The following PDS5A variants were observed in gnomAD, a reference collection of about 807,000 sequenced individuals.
PDS5A encodes the protein PDS5 cohesin associated factor A.
PDS5A carries 42 observed loss-of-function variants against 167.1 expected under a neutral mutation model. The ratio of observed to expected loss-of-function variants is 0.25; its 90% CI spans 0.20 to 0.33. PDS5A has a LOEUF of 0.33. PDS5A is among the 10% of genes least tolerant of loss of function. The probability of loss-of-function intolerance (pLI) is 1.00; values close to 1 mark genes in which losing one functional copy is unlikely to be tolerated. For missense variants in PDS5A, 1,033 were observed against 1,605.9 expected, an observed-to-expected ratio of 0.64 and a Z score of 6.10; for synonymous variants, 553 against 554.6, an observed-to-expected ratio of 1.00 and a Z score of 0.04.
intron 7 of PDS5A, among the ~76,000 whole-genome samples, chr4:39,919,743 C>CTT (rs1560483868): frequency 6.6e-6 from 1 of 151,834 alleles, no homozygotes; most frequent in East Asian, 1.9e-4. Flanking sequence ...AGATTGCAAA[C>CTT]TTTTTTTTCC....
At chr4:39,909,788 C>G (rs765174746) in intron 10 of PDS5A, among the ~76,000 whole-genome samples, 1 of 152,146 alleles carries the variant, frequency 6.6e-6, no homozygotes, top group Non-Finnish European at 1.5e-5. Context: ...ATGAAAAATT[C>G]TAGTCTAGTG....
rs556520088 is a variant in PDS5A at position 39,964,937 on chromosome 4, T to C, written c.138+11503A>G. On this transcript the variant is annotated intron_variant, in intron 2 of 32. Coordinates refer to ENST00000303538, the MANE Select transcript of PDS5A (RefSeq NM_001100399.2). ...CAGCCTGGGTGACAGAAAGACTCTG[T>C]CTCAAAAAATAATAATAATAATAAT... 5.3e-5 allele frequency among the ~76,000 whole-genome samples: 8 copies of C among 151,848 alleles called. No individual in the cohort carries two copies. The East Asian group carries it at 1.5e-3, about 29-fold the overall frequency.
Position 39,838,027 on chromosome 4 carries a change from C to A in PDS5A, c.3839G>T (p.Gly1280Val). The A allele has an allele frequency of 6.2e-7, 1 of 1,613,958 alleles. No individual in the cohort carries two copies. Among genetic ancestry groups the A allele is most frequent in the East Asian group, 2.2e-5 (1 of 44,884 alleles). The change falls in exon 32 of 33, where the codon GGC (glycine) becomes GTC (valine). Residue 1280 changes from glycine to valine, a missense_variant. Gly to Val is a moderately radical substitution (Grantham distance 109). Around this residue, in one of 4 missense-constraint regions of PDS5A, gnomAD observed 233 missense variants for 264.0 expected, o/e 0.88. Transcript: ENST00000303538. Reference protein sequence around the residue: ...RGRRPKSESQGNATKNDDLNK... With the variant: ...RGRRPKSESQVNATKNDDLNK... ...TAGATCATCATTTTTGGTAGCATTG[C>A]CCTGAGATTCAGACTTGGGTCGACG...
intron 30 of PDS5A, among the ~76,000 whole-genome samples, chr4:39,844,305 T>C (rs1578590982): frequency 6.6e-6 from 1 of 151,768 alleles, no homozygotes; most frequent in East Asian, 1.9e-4. Context: ...TGAAACACCG[T>C]CTCTACTAAA....
At chr4:39,863,285 T>C (rs1351587232) in intron 24 of PDS5A, 51 bp downstream of exon 24, 9 of 1,358,274 alleles carry the variant, frequency 6.6e-6, no homozygotes, top group Admixed American at 2.3e-5. Flanking sequence ...AGAAAAGTAA[T>C]GTATTCAACT....
At chr4:39,885,246 TAAAAAAAAA>T (rs34192127) in intron 17 of PDS5A, among the ~76,000 whole-genome samples, 1 of 110,342 alleles carries the variant, frequency 9.1e-6, no homozygotes, top group Non-Finnish European at 1.8e-5. Context: ...GATTCCTTCT[TAAAAAAAAA>T]AAAAAAAAAA....
intron 32 of PDS5A, among the ~76,000 whole-genome samples, chr4:39,829,674 A>G (rs1479439986): frequency 1.7e-4 from 24 of 144,130 alleles, no homozygotes; most frequent in Non-Finnish European, 2.6e-4. Flanking sequence ...ATTTCCGGCC[A>G]GGCGCGGTGG....
intron 32 of PDS5A, among the ~76,000 whole-genome samples, chr4:39,831,273 G>A (rs1297840160): frequency 6.6e-6 from 1 of 152,072 alleles, no homozygotes; most frequent in African/African-American, 2.4e-5. Context: ...GCTAAATTTT[G>A]TATTTTTATT....
intron 3 of PDS5A, among the ~76,000 whole-genome samples, chr4:39,927,675 C>T (rs559883378): frequency 6.6e-6 from 1 of 152,290 alleles, no homozygotes; most frequent in South Asian, 2.1e-4. Flanking sequence ...ATCCCTGGAA[C>T]ATAGCTATCT....
chr4:39,860,152 T>C (rs1214434897), intron 26 of PDS5A, among the ~76,000 whole-genome samples: 2 of 152,134 alleles, frequency 1.3e-5, no homozygotes, highest in African/African-American at 4.8e-5. Flanking sequence ...GCTGGATATA[T>C]ATCCAAAATA....
rs763097458 is a variant in PDS5A at position 39,842,020 on chromosome 4, A to G, written c.3585T>C (p.Ser1195=). ...QSSEAAETGV[S]ENEENPVRII... ...TCCTCACAGGGTTCTCTTCATTTTC[A>G]CTAACTCCAGTTTCTGCTGCCTCTG... is the stretch of plus-strand genomic sequence containing the variant. The change falls in exon 31 of 33, where the codon AGT becomes AGC. Residue 1195 remains serine, a synonymous_variant. Coordinates refer to ENST00000303538, the MANE Select transcript of PDS5A (RefSeq NM_001100399.2). 6.2e-7 allele frequency: 1 copy of G among 1,609,482 alleles called. No homozygotes were observed. Among genetic ancestry groups the G allele is most frequent in the Non-Finnish European group, 8.5e-7 (1 of 1,175,848 alleles).
chr4:39,930,246 A>AAAAAAAAAAAAAAAAATTTTTTTTT, intron 2 of PDS5A, among the ~76,000 whole-genome samples: 3 of 93,090 alleles, frequency 3.2e-5, no homozygotes, highest in Non-Finnish European at 4.5e-5. Context: ...AAAAAAAAAA[A>AAAAAAAAAAAAAAAAATTTTTTTTT]GTTTTTTTGT....
At chr4:39,840,584 C>T (rs577175860) in intron 31 of PDS5A, among the ~76,000 whole-genome samples, 25 of 152,168 alleles carry the variant, frequency 1.6e-4, no homozygotes, top group South Asian at 8.3e-4. Flanking sequence ...TTAGTAGAGA[C>T]GAGTTTTCAC....
intron 26 of PDS5A, among the ~76,000 whole-genome samples, chr4:39,859,829 G>C (rs1218348832): frequency 2.0e-5 from 3 of 152,216 alleles, no homozygotes; most frequent in African/African-American, 7.2e-5. Context: ...AGAACCACCT[G>C]GGATGAACTG....
At chr4:39,890,861 C>G (rs184436907) in intron 16 of PDS5A, among the ~76,000 whole-genome samples, 49 of 151,876 alleles carry the variant, frequency 3.2e-4, no homozygotes, top group African/African-American at 1.1e-3. Context: ...AAGTGATCCA[C>G]CTGCCTCGAC....
At chr4:39,930,246 A>AAAAAAAAAAAATTTTTTTT in intron 2 of PDS5A, among the ~76,000 whole-genome samples, 2 of 93,088 alleles carry the variant, frequency 2.1e-5, no homozygotes, top group Non-Finnish European at 2.2e-5. Context: ...AAAAAAAAAA[A>AAAAAAAAAAAATTTTTTTT]GTTTTTTTGT....
At chr4:39,937,740 G>A (rs916536527) in intron 2 of PDS5A, among the ~76,000 whole-genome samples, 1 of 152,178 alleles carries the variant, frequency 6.6e-6, no homozygotes, top group Non-Finnish European at 1.5e-5. Flanking sequence ...CATAGCAAAT[G>A]AGAACTCTCA....
At chr4:39,960,140 C>G (rs1289208745) in intron 2 of PDS5A, among the ~76,000 whole-genome samples, 1 of 151,756 alleles carries the variant, frequency 6.6e-6, no homozygotes, top group Non-Finnish European at 1.5e-5. Context: ...CGTGGTGGCA[C>G]GCACCTGTAA....
At chr4:39,945,825 C>T (rs1727700709) in intron 2 of PDS5A, among the ~76,000 whole-genome samples, 1 of 152,060 alleles carries the variant, frequency 6.6e-6, no homozygotes. Context: ...TTAAAATGAT[C>T]AAACATTATG....
Sources: gnomAD v4.1 joint callset for allele counts (sites outside exome capture counted in the v4.1 genomes callset) on GRCh38, gnomAD v4.1.1 for gene constraint, gnomAD v4.1.1 regional missense constraint, MANE v1.5 for transcripts, NCBI Gene and HGNC (gene_info 2026-07-23, HGNC 2026-07-21) for gene names.